The following NARF variants were observed in gnomAD, a reference collection of about 807,000 sequenced individuals.
The protein encoded by NARF is nuclear prelamin A recognition factor.
Under a neutral mutation model 48.0 loss-of-function variants are expected in NARF, and 41 were observed. The observed-to-expected ratio is 0.85, with a 90% confidence interval of 0.66 to 1.11. The LOEUF is 1.11. Ranked by LOEUF, NARF falls within the 50% of genes least tolerant of loss-of-function variation. The pLI, the probability that NARF is intolerant of heterozygous loss-of-function variation, is 0.00. For synonymous variants in NARF, 215 were observed against 225.5 expected, an observed-to-expected ratio of 0.95 and a Z score of 0.42; for missense variants, 613 against 590.2, an observed-to-expected ratio of 1.04 and a Z score of -0.40.
At chr17:82,481,900 T>A (rs1039400720) in intron 7 of NARF, 2 of 324,502 alleles carry the variant, frequency 6.2e-6, no homozygotes, top group African/African-American at 4.6e-5. Flanking sequence ...AAAACACAAG[T>A]GAAGTTTTTT....
At chr17:82,470,433 C>T (rs2043672034) in intron 4 of NARF, among the ~76,000 whole-genome samples, 1 of 152,084 alleles carries the variant, frequency 6.6e-6, no homozygotes, top group Non-Finnish European at 1.5e-5. Context: ...TGTTATATAT[C>T]AATAAAATGT....
intron 6 of NARF, chr17:82,480,106 G>A (rs1195697504): frequency 4.2e-6 from 1 of 238,772 alleles, no homozygotes; most frequent in Non-Finnish European, 8.0e-6. Flanking sequence ...CCCCTGCCCT[G>A]AGTGGGTCCT....
chr17:82,484,842 CG>C lies in NARF; in HGVS notation c.864del (p.Arg289ValfsTer35), dbSNP rs772231690. The C allele has an allele frequency of 6.2e-7, 1 of 1,608,512 alleles. No homozygotes were observed. Among genetic ancestry groups the C allele is most frequent in the Non-Finnish European group, 8.5e-7 (1 of 1,177,204 alleles). On this transcript the variant is annotated frameshift_variant, in exon 9 of 11. Coordinates refer to ENST00000309794, the MANE Select transcript of NARF (RefSeq NM_012336.4). LOFTEE classifies it high-confidence loss of function. ...GGAGACTTGAAGGAGGACAAAGTGA[CG>C]CGTCATGATGGAGCCAGCTCAGACG... ...LFGDLKEDKVTRHDGASSDGH... is the reference protein window; with the variant it reads ...LFGDLKEDKVXRHDGASSDGH...
chr17:82,484,806 T>C lies in NARF; in HGVS notation c.834-7T>C. On this transcript the variant is annotated splice_polypyrimidine_tract_variant and splice_region_variant and intron_variant, in intron 8 of 10. Coordinates refer to ENST00000309794, the MANE Select transcript of NARF (RefSeq NM_012336.4). ...ATGAAGGACTTGTATTTTCTCTGCC[T>C]TGTGAGGTTTGGAGACTTGAAGGAG... The C allele has an allele frequency of 6.3e-7, 1 of 1,589,120 alleles. No homozygotes were observed. Among genetic ancestry groups the C allele is most frequent in the Non-Finnish European group, 8.6e-7 (1 of 1,166,636 alleles).
intron 5 of NARF, among the ~76,000 whole-genome samples, chr17:82,474,173 C>A (rs2043780716): frequency 6.6e-6 from 1 of 152,124 alleles, no homozygotes; most frequent in Admixed American, 6.6e-5. Flanking sequence ...AGACTGAGGT[C>A]CTGTCTCTTA....
rs542265583 is a variant in NARF, at chr17:82,479,433, T to C, written c.639+515T>C. ...GGCCATGATGCTGTCCTCCTCTTGA[T>C]GGAGTGAGTCCCGGCCTGAGGCTCC... On this transcript the variant is annotated intron_variant, in intron 6 of 10. Transcript: ENST00000309794. Among the ~76,000 whole-genome samples, 3 of 152,354 alleles carry C rather than the reference T, an allele frequency of 2.0e-5. No individual in the cohort carries two copies. In the South Asian group the frequency reaches 6.2e-4, roughly 32 times the overall value.
At chr17:82,459,221 A>G (rs1178661163) in intron 1 of NARF, 9 of 1,016,894 alleles carry the variant, frequency 8.9e-6, no homozygotes, top group Middle Eastern at 4.5e-4. Context: ...CAGCCGGTGC[A>G]GGGGCGGAAG....
intron 3 of NARF, among the ~76,000 whole-genome samples, chr17:82,466,040 T>C (rs1232347419): frequency 6.6e-6 from 1 of 152,198 alleles, no homozygotes; most frequent in African/African-American, 2.4e-5. Flanking sequence ...AGGTTCGCCA[T>C]GCATACCCGT....
chr17:82,458,654 C>T (rs1055313726), upstream of NARF: 5 of 1,017,928 alleles, frequency 4.9e-6, no homozygotes, highest in Middle Eastern at 3.0e-4. Flanking sequence ...TGTCCTCTCC[C>T]GGTGCTCTCA....
chr17:82,479,684 G>A (rs943836645), intron 6 of NARF, among the ~76,000 whole-genome samples: 1 of 152,250 alleles, frequency 6.6e-6, no homozygotes, highest in Non-Finnish European at 1.5e-5. Context: ...AACTGGAGTA[G>A]AGGGTAACAT....
chr17:82,470,716 G>C (rs888097830), intron 4 of NARF, among the ~76,000 whole-genome samples: 3 of 151,900 alleles, frequency 2.0e-5, no homozygotes, highest in Non-Finnish European at 4.4e-5. Flanking sequence ...GGATGGTCTC[G>C]ATCTCCTGAC....
At chr17:82,463,945 A>G (rs900341482) in intron 2 of NARF, 5 of 202,212 alleles carry the variant, frequency 2.5e-5, no homozygotes, top group African/African-American at 9.3e-5. Context: ...CCAAAGAGGA[A>G]GGGGTCTAGG....
At position 82,481,228 on chromosome 17, in the gene NARF, G is replaced by C; in HGVS notation, c.769+17G>C. 6.2e-7 allele frequency: 1 copy of C among 1,612,974 alleles called. No homozygotes were observed. The highest frequency in any genetic ancestry group is 8.5e-7 in the Non-Finnish European group (1 of 1,179,920). ...TAACATCAGGTGAGAGGTGGGCGGGGGTGCACCTGGGCGCTGGGGTAATCT... is the reference window on the plus strand; with the variant it reads ...TAACATCAGGTGAGAGGTGGGCGGGCGTGCACCTGGGCGCTGGGGTAATCT... On this transcript the variant is annotated intron_variant, in intron 7 of 10. Coordinates refer to ENST00000309794, the MANE Select transcript of NARF (RefSeq NM_012336.4).
chr17:82,481,730 C>CAA (rs61126963), intron 7 of NARF: 293 of 369,344 alleles, frequency 7.9e-4, no homozygotes, highest in East Asian at 1.6e-3. Flanking sequence ...AACTTTGTCT[C>CAA]AAAAAAAAAA....
chr17:82,478,868 C>G lies in NARF; in HGVS notation c.589C>G (p.Pro197Ala). Residue 197 changes from proline to alanine, a missense_variant, in exon 6 of 11, where the codon CCC (proline) becomes GCC (alanine). By Grantham distance (27) the Pro-to-Ala change is conservative (BLOSUM62 -1). Transcript: ENST00000309794. The part of the protein sequence containing the change: ...ITAHLCTAKS[P>A]QQVMGSLVKD... ...TGCCCACCTCTGCACCGCCAAGTCC[C>G]CCCAGCAGGTCATGGGCTCTTTGGT... 1 of 1,614,108 alleles carries G rather than the reference C, an allele frequency of 6.2e-7. No individual in the cohort carries two copies. Among genetic ancestry groups the G allele is most frequent in the East Asian group, 2.2e-5 (1 of 44,884 alleles).
upstream of NARF, chr17:82,458,568 CG>C: frequency 2.1e-6 from 1 of 484,772 alleles, no homozygotes; most frequent in Non-Finnish European, 3.3e-6. Flanking sequence ...GGGCCTGGCC[CG>C]CCCCTTCCCG....
chr17:82,484,935 C>G lies in NARF; in HGVS notation c.956C>G (p.Thr319Ser). 1 of 1,610,080 alleles carries G rather than the reference C, an allele frequency of 6.2e-7. No homozygotes were observed. The highest frequency in any genetic ancestry group is 8.5e-7 in the Non-Finnish European group (1 of 1,177,914). ...TTCAACGAGGATGTGGAGGAGGTCA[C>G]TTACCGAGCCCTGAGGTGTGGGGCA... is the stretch of plus-strand genomic sequence containing the variant. The part of the protein sequence containing the change: ...ELFNEDVEEV[T>S]YRALRNKDFQ... Residue 319 changes from threonine to serine, a missense_variant, in exon 9 of 11, where the codon ACT becomes AGT. Coordinates refer to ENST00000309794, the MANE Select transcript of NARF (RefSeq NM_012336.4).
chr17:82,464,609 C>T (rs866825420), intron 3 of NARF, among the ~76,000 whole-genome samples, 179 bp downstream of exon 3: 5 of 152,198 alleles, frequency 3.3e-5, no homozygotes, highest in Non-Finnish European at 5.9e-5. Flanking sequence ...GCAAAATCCC[C>T]GCACAATTTC....
intron 4 of NARF, 65 bp from the exon 5 acceptor site, chr17:82,472,498 AG>A: frequency 4.7e-6 from 7 of 1,480,314 alleles, no homozygotes; most frequent in South Asian, 1.4e-5. Flanking sequence ...AAAAAAAAAA[AG>A]AGGAAGCCTA....
Sources: gnomAD v4.1 joint callset for allele counts (sites outside exome capture counted in the v4.1 genomes callset) on GRCh38, gnomAD v4.1.1 for gene constraint, MANE v1.5 for transcripts, NCBI Gene and HGNC (gene_info 2026-07-23, HGNC 2026-07-21) for gene names.